Variants in MLLT3 observed in about 807,000 individuals in gnomAD.
MLLT3 encodes the protein MLLT3 super elongation complex subunit.
In MLLT3, 4 loss-of-function variants were observed where a neutral mutation model predicts 53.2. The observed-to-expected ratio is 0.08, with a 90% CI of 0.04 to 0.17. The LOEUF (loss-of-function observed/expected upper bound fraction) is 0.17, where lower values mean the gene tolerates loss of function less well. MLLT3 is among the 10% of genes least tolerant of loss of function. The probability of loss-of-function intolerance (pLI) is 1.00; values close to 1 mark genes in which losing one functional copy is unlikely to be tolerated. For synonymous variants in MLLT3, 283 were observed against 230.6 expected (o/e 1.23, Z -2.06); for missense variants, 569 against 684.0 (o/e 0.83, Z 1.87).
chr9:20,360,838 A>C lies in MLLT3; in HGVS notation c.1335T>G (p.Val445=), dbSNP rs1221330879. 1.2e-6 allele frequency: 2 copies of C among 1,613,484 alleles called. No homozygotes were observed. Among genetic ancestry groups the C allele is most frequent in the Middle Eastern group, 1.7e-4 (1 of 6,060 alleles). ...VNRGGSRSRR[V]SLSDGSDSES... ...CACTATCGCTGCCATCACTTAAGCTAACTCTGAAAAGAAACAGACAAGTTA... is the reference window on the plus strand; with the variant it reads ...CACTATCGCTGCCATCACTTAAGCTCACTCTGAAAAGAAACAGACAAGTTA... The change falls in exon 8 of 11, where the codon GTT becomes GTG. Residue 445 remains valine (V), a synonymous_variant. Transcript: ENST00000380338.
intron 5 of MLLT3, among the ~76,000 whole-genome samples, chr9:20,372,286 T>C (rs936015252): frequency 1.3e-5 from 2 of 152,332 alleles, no homozygotes; most frequent in South Asian, 2.1e-4. Context: ...TTTGAAAGAA[T>C]TGAGTCCAAT....
At chr9:20,449,986 C>G (rs1045632270) in intron 3 of MLLT3, among the ~76,000 whole-genome samples, 1 of 152,230 alleles carries the variant, frequency 6.6e-6, no homozygotes, top group Non-Finnish European at 1.5e-5. Flanking sequence ...CAACCCAGCT[C>G]TCACTGACTG....
chr9:20,363,357 GA>G, intron 7 of MLLT3, 118 bp downstream of exon 7: 1 of 1,179,826 alleles, frequency 8.5e-7, no homozygotes, highest in Non-Finnish European at 1.2e-6. Context: ...TGCATCAAAT[GA>G]ATGTGACCAT....
intron 2 of MLLT3, among the ~76,000 whole-genome samples, chr9:20,458,961 G>C (rs1586964222): frequency 1.3e-5 from 2 of 152,112 alleles, no homozygotes; most frequent in African/African-American, 4.8e-5. Flanking sequence ...CCCTAGATTT[G>C]GGTCAGAAGA....
chr9:20,570,047 T>C (rs952502641), intron 2 of MLLT3, among the ~76,000 whole-genome samples: 4 of 152,218 alleles, frequency 2.6e-5, no homozygotes, highest in African/African-American at 9.6e-5. Context: ...ACTGTGGGGA[T>C]TTAGCTCAGT....
chr9:20,448,149 T>G lies in MLLT3; in HGVS notation c.394A>C (p.Arg132=). 6.2e-7 allele frequency: 1 copy of G among 1,613,500 alleles called. No individual in the cohort carries two copies. Among genetic ancestry groups the G allele is most frequent in the Non-Finnish European group, 8.5e-7 (1 of 1,179,648 alleles). The part of the protein sequence containing the change: ...LTFNNPTEDF[R]RKLLKAGGDP... ...CCTCCTGCCTTCAGCAACTTTCTCC[T>G]AAAGTCCTCTGTGGGGTTGTTGAAA... The change falls in exon 4 of 11, where the codon AGG becomes CGG. Residue 132 remains arginine (R), a synonymous_variant. Coordinates refer to ENST00000380338, the MANE Select transcript of MLLT3 (RefSeq NM_004529.4). The surrounding 1 kb of genome is among the most constrained non-coding windows in gnomAD (Gnocchi z 4.0).
chr9:20,419,638 T>G (rs1455030189), intron 4 of MLLT3, among the ~76,000 whole-genome samples: 1 of 151,890 alleles, frequency 6.6e-6, no homozygotes, highest in African/African-American at 2.4e-5. Flanking sequence ...TACTGAAATC[T>G]AGAAGAAAGA....
Position 20,622,281 on chromosome 9 carries a change from G to C in MLLT3, c.-25C>G. 2 of 1,582,640 alleles carry C rather than the reference G, an allele frequency of 1.3e-6. No individual in the cohort carries two copies. The highest frequency in any genetic ancestry group is 1.7e-6 in the Non-Finnish European group (2 of 1,163,262). On this transcript the variant is annotated 5_prime_UTR_variant, in exon 1 of 11. Coordinates refer to ENST00000380338, the MANE Select transcript of MLLT3 (RefSeq NM_004529.4). ...TGCCTGGGGGCCCGGAGGTTTGCTG[G>C]GGTGTTGTGTGGTACCCCCCCCTCC...
At chr9:20,565,332 G>A (rs1228264190) in intron 2 of MLLT3, among the ~76,000 whole-genome samples, 1 of 152,044 alleles carries the variant, frequency 6.6e-6, no homozygotes, top group Non-Finnish European at 1.5e-5. Context: ...TGGGAGGGAT[G>A]AGGAAAACAC....
chr9:20,441,667 C>T (rs1823558998), intron 4 of MLLT3, among the ~76,000 whole-genome samples: 1 of 152,042 alleles, frequency 6.6e-6, no homozygotes, highest in Non-Finnish European at 1.5e-5. Flanking sequence ...ATTCTTTTAT[C>T]GTTTGAAGTG....
chr9:20,430,857 T>C (rs1026590647), intron 4 of MLLT3, among the ~76,000 whole-genome samples: 7 of 152,094 alleles, frequency 4.6e-5, no homozygotes, highest in Non-Finnish European at 1.5e-5. Context: ...AATGAACTCC[T>C]ATCTCCAGGA....
At chr9:20,552,198 T>C (rs1396311885) in intron 2 of MLLT3, among the ~76,000 whole-genome samples, 1 of 152,210 alleles carries the variant, frequency 6.6e-6, no homozygotes, top group African/African-American at 2.4e-5. Context: ...ACTTGGAGTC[T>C]TGTTTGCAAA....
intron 2 of MLLT3, among the ~76,000 whole-genome samples, chr9:20,530,160 T>C (rs1818295944): frequency 6.6e-6 from 1 of 152,248 alleles, no homozygotes. Context: ...CTTTGATTAG[T>C]ATGATGAATA....
At chr9:20,424,017 AC>A (rs1040412029) in intron 4 of MLLT3, among the ~76,000 whole-genome samples, 22 of 152,322 alleles carry the variant, frequency 1.4e-4, no homozygotes, top group African/African-American at 5.3e-4. Context: ...CATAGCACTT[AC>A]ATTGTGTTGA....
chr9:20,529,463 T>TCAAACC (rs145211129), intron 2 of MLLT3, among the ~76,000 whole-genome samples: 2,514 of 152,256 alleles, frequency 0.017, 40 homozygotes, highest in Non-Finnish European at 0.024. Context: ...TAGCAGAATG[T>TCAAACC]CAAACCCAAA....
chr9:20,380,801 A>C (rs1235793613), intron 5 of MLLT3, among the ~76,000 whole-genome samples: 2 of 152,036 alleles, frequency 1.3e-5, no homozygotes, highest in Admixed American at 6.6e-5. Flanking sequence ...AACAGAGTAC[A>C]TTCTCTTTTC....
intron 4 of MLLT3, among the ~76,000 whole-genome samples, chr9:20,416,704 C>T (rs1007245895): frequency 6.6e-6 from 1 of 152,088 alleles, no homozygotes; most frequent in Non-Finnish European, 1.5e-5. Context: ...AATCTTGGTA[C>T]AAGCAAGTGA....
At chr9:20,494,108 G>C (rs1360496815) in intron 2 of MLLT3, among the ~76,000 whole-genome samples, 10 of 152,034 alleles carry the variant, frequency 6.6e-5, no homozygotes, top group Admixed American at 6.6e-4. Flanking sequence ...AAGTCAAGCT[G>C]AAAACTATTA....
intron 2 of MLLT3, among the ~76,000 whole-genome samples, chr9:20,546,249 CT>C (rs1438902617): frequency 6.6e-6 from 1 of 152,118 alleles, no homozygotes; most frequent in African/African-American, 2.4e-5. Context: ...ATAACACAAT[CT>C]ACACATGTAA....
Sources: allele counts gnomAD v4.1 joint callset (sites outside exome capture counted in the v4.1 genomes callset), GRCh38; gene constraint gnomAD v4.1.1; non-coding constraint Gnocchi (gnomAD v3.1); transcripts MANE v1.5; gene names NCBI Gene and HGNC (gene_info 2026-07-23, HGNC 2026-07-21).